The following TNNT1 variants were observed in gnomAD, a reference collection of about 807,000 sequenced individuals.
TNNT1 encodes troponin T, slow skeletal muscle.
A neutral mutation model predicts 50.6 loss-of-function variants in TNNT1; 53 were observed. That is an observed-to-expected ratio of 1.05 (90% CI 0.84 to 1.32). The LOEUF (loss-of-function observed/expected upper bound fraction) is 1.32, where lower values mean the gene tolerates loss of function less well. Among genes scored for constraint, TNNT1 ranks in the 40% most tolerant of loss-of-function variants. The probability of loss-of-function intolerance (pLI) is 0.00; values close to 1 mark genes in which losing one functional copy is unlikely to be tolerated. For synonymous variants in TNNT1, 142 were observed against 138.0 expected, an observed-to-expected ratio of 1.03 and a Z score of -0.20; for missense variants, 348 against 381.7, an observed-to-expected ratio of 0.91 and a Z score of 0.74.
At position 55,146,381 on chromosome 19, in the gene TNNT1, G is replaced by A. The variant is rs1010608791; in HGVS notation, c.106+53C>T. On this transcript the variant is annotated intron_variant, in intron 5 of 13. Transcript: ENST00000588981. ...GAGGTTGGGGCCCGAGGATATCGGG[G>A]GTCCCCCCGGGCCCCCGACATCGGT... The A allele has an allele frequency of 3.0e-6, 4 of 1,328,118 alleles. No individual in the cohort carries two copies. In the African/African-American group the frequency reaches 4.6e-5, roughly 15 times the overall value. 82.3% of individuals were successfully genotyped at this position (1,328,118 alleles called of 1,614,324 possible). A position where few individuals can be genotyped will look rare whatever the true frequency, so the allele number is the denominator to read the frequency against.
At chr19:55,146,788 C>A in intron 3 of TNNT1, 81 bp from the exon 4 acceptor site, 1 of 1,223,540 alleles carries the variant, frequency 8.2e-7, no homozygotes, top group South Asian at 1.6e-5. Flanking sequence ...GGGTTCCAGT[C>A]TCTGCTGGAC....
chr19:55,138,698 T>A (rs2085399251), intron 9 of TNNT1, among the ~76,000 whole-genome samples: 1 of 152,184 alleles, frequency 6.6e-6, no homozygotes, highest in Non-Finnish European at 1.5e-5. Flanking sequence ...CTGTACGACC[T>A]CACTCCAGAT....
In TNNT1 at chr19:55,141,267, C is replaced by A. The variant is rs2085449031; in HGVS notation, c.228G>T (p.Leu76=). ...IHRKRMEKDL[L]ELQTLIDVHF... is the part of the protein sequence containing the mutation. ...GTACATCGATGAGTGTCTGCAGCTC[C>A]AGCAGGTCTTTCTCCATGCGCTTGC... Residue 76 remains leucine (L), a synonymous_variant, in exon 8 of 14, where the codon CTG becomes CTT. Transcript: ENST00000588981. 2 of 1,614,242 alleles carry A rather than the reference C, an allele frequency of 1.2e-6. No homozygotes were observed. Among genetic ancestry groups the A allele is most frequent in the East Asian group, 4.5e-5 (2 of 44,882 alleles).
chr19:55,141,315 C>A lies in TNNT1; in HGVS notation c.193-13G>T. The A allele has an allele frequency of 6.2e-7, 1 of 1,609,306 alleles. No homozygotes were observed. The highest frequency in any genetic ancestry group is 1.1e-5 in the South Asian group (1 of 91,004). ...TGCGGTGGATGTCCTGCAGGACACA[C>A]GGGCAGCCCGTCCTAGGAGACCCTG... On this transcript the variant is annotated splice_polypyrimidine_tract_variant and intron_variant, in intron 7 of 13. Transcript: ENST00000588981.
chr19:55,146,725 G>A lies in TNNT1; in HGVS notation c.47-18C>T, dbSNP rs768462557. 6 of 1,500,486 alleles carry A rather than the reference G, an allele frequency of 4.0e-6. No homozygotes were observed. Among genetic ancestry groups the A allele is most frequent in the Admixed American group, 4.6e-5 (2 of 43,234 alleles). 92.9% of individuals were successfully genotyped at this position (1,500,486 alleles called of 1,614,324 possible). ...AGCCTCCTCTGGAGATGGGGGCACA[G>A]AAGAGAAGGCGTTAGGAGCTGGGGG... On this transcript the variant is annotated intron_variant, in intron 3 of 13. Transcript: ENST00000588981.
chr19:55,137,342 T>A (rs1392663520), intron 10 of TNNT1, 130 bp from the exon 11 acceptor site: 1 of 673,082 alleles, frequency 1.5e-6, no homozygotes, highest in Non-Finnish European at 2.7e-6. Context: ...CCCAGGCCCA[T>A]CTCCTTCAGA....
intron 5 of TNNT1, 31 bp from the exon 6 acceptor site, chr19:55,145,596 T>A (rs1009018579): frequency 6.2e-7 from 1 of 1,613,002 alleles, no homozygotes; most frequent in Non-Finnish European, 8.5e-7. Context: ...AAAGAGATAA[T>A]TAGCAAGAGT....
chr19:55,141,916 G>A lies in TNNT1; in HGVS notation c.133C>T (p.Pro45Ser). The A allele has an allele frequency of 1.9e-6, 3 of 1,614,034 alleles. No homozygotes were observed. Among genetic ancestry groups the A allele is most frequent in the East Asian group, 2.2e-5 (1 of 44,858 alleles). ...PEEERPKPSR[P>S]VVPPLIPPKI... ...GGCGGGATCAAAGGAGGCACCACGG[G>A]GCGGCTGAGTGGACAGAAACACAGA... The change falls in exon 7 of 14, where the codon CCC (proline) becomes TCC (serine). Residue 45 changes from proline (P) to serine (S), a missense_variant. Pro to Ser is a moderately conservative substitution (Grantham distance 74, BLOSUM62 -1). Around this residue, in one of 3 missense-constraint regions of TNNT1, gnomAD observed 90 missense variants for 70.8 expected, o/e 1.27. Coordinates refer to ENST00000588981, the MANE Select transcript of TNNT1 (RefSeq NM_003283.6).
rs1447935148 is a variant in TNNT1 at position 55,140,971 on chromosome 19, G to A, written c.310-11C>T. 3 of 1,613,720 alleles carry A rather than the reference G, an allele frequency of 1.9e-6. No individual in the cohort carries two copies. Among genetic ancestry groups the A allele is most frequent in the South Asian group, 2.2e-5 (2 of 91,064 alleles). On this transcript the variant is annotated splice_polypyrimidine_tract_variant and intron_variant, in intron 8 of 13. Transcript: ENST00000588981. ...TGACCGGCGCCGCTCCTGGGAAACG[G>A]AGAAGCATAAGGGGGTGCAGGGACG...
chr19:55,143,740 T>A (rs909098062), intron 6 of TNNT1, among the ~76,000 whole-genome samples: 1 of 152,030 alleles, frequency 6.6e-6, no homozygotes, highest in Non-Finnish European at 1.5e-5. Flanking sequence ...TTCCCTTTTC[T>A]CATCATCAAT....
chr19:55,146,740 G>A, intron 3 of TNNT1, 33 bp from the exon 4 acceptor site: 1 of 1,473,280 alleles, frequency 6.8e-7, no homozygotes, highest in South Asian at 1.4e-5. Context: ...GAAGGCGTTA[G>A]GAGCTGGGGG....
At chr19:55,139,315 T>A (rs2085410324) in intron 9 of TNNT1, among the ~76,000 whole-genome samples, 1 of 152,212 alleles carries the variant, frequency 6.6e-6, no homozygotes, top group Non-Finnish European at 1.5e-5. Flanking sequence ...TTCCTATCAC[T>A]GCTGTAATTT....
At chr19:55,148,701 C>T (rs759565934) in intron 1 of TNNT1, among the ~76,000 whole-genome samples, 1 of 152,064 alleles carries the variant, frequency 6.6e-6, no homozygotes, top group Admixed American at 6.6e-5. Flanking sequence ...GATAATGGCA[C>T]TCTAAGTTTT....
rs2085388558 is a variant in TNNT1, at chr19:55,138,211, A to G, written c.388-137T>C. 13 of 1,480,374 alleles carry G rather than the reference A, an allele frequency of 8.8e-6. No homozygotes were observed. The Admixed American group carries it at 1.2e-4, about 13-fold the overall frequency. 91.7% of individuals were successfully genotyped at this position (1,480,374 alleles called of 1,614,324 possible). A position where few individuals can be genotyped will look rare whatever the true frequency, so the allele number is the denominator to read the frequency against. The stretch of plus-strand genomic sequence containing the variant: ...TGCTGGGACATCAGAACCAGCAGAA[A>G]CGCAGGGGTACCCACTCCCGGCCCT... On this transcript the variant is annotated intron_variant, in intron 9 of 13. Transcript: ENST00000588981.
chr19:55,145,500 T>TA lies in TNNT1; in HGVS notation c.128+43dup, dbSNP rs1415920350. 2.5e-6 allele frequency: 4 copies of TA among 1,601,232 alleles called. No homozygotes were observed. The African/African-American group carries it at 5.4e-5, about 22-fold the overall frequency. On this transcript the variant is annotated intron_variant, in intron 6 of 13. Transcript: ENST00000588981. ...TGTCTCTGGGGGTAGAGGGAATATT[T>TA]AGGAAGATGTATGACTGGGGCCCCC...
Position 55,146,697 on chromosome 19 carries a change from CG to C in TNNT1, c.56del (p.Ala19GlyfsTer32). Reference protein sequence around the residue: ...YEEEQPEEEAAEEEEEAPEEP... With the variant: ...YEEEQPEEEAXEEEEEAPEEP... ...GGACCTCACCTTCCTCCTCCTCCTC[CG>C]CAGCCTCCTCTGGAGATGGGGGCAC... On this transcript the variant is annotated frameshift_variant, in exon 4 of 14. Transcript: ENST00000588981. LOFTEE classifies it high-confidence loss of function. 1.3e-6 allele frequency: 2 copies of C among 1,501,568 alleles called. No individual in the cohort carries two copies. The highest frequency in any genetic ancestry group is 1.8e-6 in the Non-Finnish European group (2 of 1,122,752). The allele number at this position is 1,501,568 out of a possible 1,614,324, so 93.0% of individuals were successfully genotyped here.
chr19:55,137,815 C>T (rs1351190494), intron 10 of TNNT1, 146 bp downstream of exon 10: 3 of 999,756 alleles, frequency 3.0e-6, no homozygotes, highest in East Asian at 2.6e-5. Context: ...CCTCCTCCCT[C>T]AGACCCAGGA....
chr19:55,138,606 G>C (rs1184783030), intron 9 of TNNT1, among the ~76,000 whole-genome samples: 3 of 152,058 alleles, frequency 2.0e-5, no homozygotes, highest in Non-Finnish European at 2.9e-5. Context: ...TATCCTCCCA[G>C]AAAAAATCGA....
At chr19:55,140,521 G>C (rs1395700178) in intron 9 of TNNT1, 2 of 157,682 alleles carry the variant, frequency 1.3e-5, no homozygotes, top group Admixed American at 6.2e-5. Context: ...GCTCACACCT[G>C]TAATCCCAGC....
Sources: gnomAD v4.1 joint callset for allele counts (sites outside exome capture counted in the v4.1 genomes callset) on GRCh38, gnomAD v4.1.1 for gene constraint, gnomAD v4.1.1 regional missense constraint, MANE v1.5 for transcripts, NCBI Gene and HGNC (gene_info 2026-07-23, HGNC 2026-07-21) for gene names.